The following PDE8B variants were observed in gnomAD, a reference collection of about 807,000 sequenced individuals.
PDE8B encodes the protein phosphodiesterase 8B, also known as high affinity cAMP-specific and IBMX-insensitive 3',5'-cyclic phosphodiesterase 8B.
PDE8B carries 26 observed loss-of-function variants against 101.3 expected under a neutral mutation model. That is an observed-to-expected ratio of 0.26 (90% CI 0.19 to 0.36). PDE8B has a LOEUF of 0.36. Among genes scored for constraint, PDE8B ranks in the 10% least tolerant of loss-of-function variants. The pLI is 1.00. For missense variants in PDE8B, 810 were observed against 1,163.1 expected (o/e 0.70, Z 4.42); for synonymous variants, 424 against 429.3 (o/e 0.99, Z 0.15).
intron 1 of PDE8B, among the ~76,000 whole-genome samples, chr5:77,234,916 T>A (rs1488755001): frequency 6.6e-6 from 1 of 152,204 alleles, no homozygotes; most frequent in Non-Finnish European, 1.5e-5. Flanking sequence ...AATGAGAGCA[T>A]GCACGCAAAG....
At chr5:77,363,590 T>TCAG (rs1271866496) in intron 10 of PDE8B, among the ~76,000 whole-genome samples, 1 of 151,752 alleles carries the variant, frequency 6.6e-6, no homozygotes, top group Non-Finnish European at 1.5e-5. Flanking sequence ...CGGGTGCCTG[T>TCAG]AATCCCAGCT....
At position 77,403,262 on chromosome 5, in the gene PDE8B, T is replaced by C. The variant is rs6453305; in HGVS notation, c.1211-1458T>C. Among the ~76,000 whole-genome samples the C allele has an allele frequency of 7.2e-3, 1,099 of 152,322 alleles. 8 individuals carry two copies. Among genetic ancestry groups the C allele is most frequent in the African/African-American group, 0.025 (1,053 of 41,560 alleles). On this transcript the variant is annotated intron_variant, in intron 11 of 21. Coordinates refer to ENST00000264917, the MANE Select transcript of PDE8B (RefSeq NM_003719.5). ...TGCAAAGATTTAGGCCAAAATTCTT[T>C]AAATGTTTGCCTGCCCCCACCACCC... is the stretch of plus-strand genomic sequence containing the variant.
At chr5:77,286,344 T>C (rs538978832) in intron 1 of PDE8B, among the ~76,000 whole-genome samples, 2 of 152,286 alleles carry the variant, frequency 1.3e-5, no homozygotes, top group East Asian at 3.9e-4. Flanking sequence ...AAAATTTAGG[T>C]TCCCTCCTCA....
At chr5:77,423,601 G>A (rs1157128396) in intron 20 of PDE8B, among the ~76,000 whole-genome samples, 1 of 141,404 alleles carries the variant, frequency 7.1e-6, no homozygotes, top group Admixed American at 7.2e-5. Flanking sequence ...TTGCATGTCT[G>A]ATTAGTGATG....
chr5:77,382,102 C>T (rs568752893), intron 10 of PDE8B, among the ~76,000 whole-genome samples: 1 of 152,262 alleles, frequency 6.6e-6, no homozygotes, highest in Admixed American at 6.5e-5. Flanking sequence ...ACAATTTTCC[C>T]AATACTTTAT....
intron 1 of PDE8B, among the ~76,000 whole-genome samples, chr5:77,242,306 A>G (rs1755926739): frequency 6.6e-6 from 1 of 152,192 alleles, no homozygotes; most frequent in African/African-American, 2.4e-5. Flanking sequence ...GCACAGGAAA[A>G]GAAAGGTGGC....
At chr5:77,118,524 A>G in the PDE8B span, 3 of 396,802 alleles carry the variant, frequency 7.6e-6, no homozygotes, top group South Asian at 1.3e-4. Context: ...CCTGTGAGGT[A>G]TGAAGGAGTA....
At chr5:77,159,055 T>C in the PDE8B span, among the ~76,000 whole-genome samples, 1 of 152,178 alleles carries the variant, frequency 6.6e-6, no homozygotes, top group African/African-American at 2.4e-5. Context: ...TTGTGGGGAC[T>C]CCTGCCCTAC....
chr5:77,293,913 A>G (rs1340689841), intron 1 of PDE8B, among the ~76,000 whole-genome samples: 1 of 151,982 alleles, frequency 6.6e-6, no homozygotes, highest in Non-Finnish European at 1.5e-5. Flanking sequence ...CTTAATGTTG[A>G]GTTTTCAATG....
intron 7 of PDE8B, among the ~76,000 whole-genome samples, chr5:77,345,819 A>G (rs984152722): frequency 3.3e-5 from 5 of 152,180 alleles, no homozygotes; most frequent in Admixed American, 6.5e-5. Flanking sequence ...ACTTATCAGT[A>G]GGGCACCAAA....
chr5:77,204,923 A>G, the PDE8B span, among the ~76,000 whole-genome samples: 19 of 152,068 alleles, frequency 1.2e-4, no homozygotes, highest in African/African-American at 4.6e-4. Flanking sequence ...CTTGTGTTTC[A>G]TTTCTATATC....
At chr5:77,238,604 A>T (rs1399256258) in intron 1 of PDE8B, among the ~76,000 whole-genome samples, 2 of 152,214 alleles carry the variant, frequency 1.3e-5, no homozygotes, top group African/African-American at 2.4e-5. Flanking sequence ...AACCAATAGG[A>T]TACACATAGA....
At chr5:77,244,671 T>A (rs11950697) in intron 1 of PDE8B, among the ~76,000 whole-genome samples, 71,990 of 151,920 alleles carry the variant, frequency 0.47, 18,225 homozygotes, top group East Asian at 0.81. Context: ...ATAAATTTTT[T>A]AAATTCTCAC....
At chr5:77,192,488 G>A in the PDE8B span, among the ~76,000 whole-genome samples, 4 of 152,192 alleles carry the variant, frequency 2.6e-5, no homozygotes, top group African/African-American at 9.7e-5. Flanking sequence ...CATACATGCT[G>A]TTGTGTATAT....
At chr5:77,304,469 C>G (rs1470899687) in intron 1 of PDE8B, among the ~76,000 whole-genome samples, 1 of 152,050 alleles carries the variant, frequency 6.6e-6, no homozygotes, top group African/African-American at 2.4e-5. Context: ...CTCTCCAGCT[C>G]TGGGCCTTTT....
At chr5:77,323,645 A>G (rs187103912) in intron 2 of PDE8B, among the ~76,000 whole-genome samples, 11 of 152,218 alleles carry the variant, frequency 7.2e-5, no homozygotes, top group Non-Finnish European at 1.2e-4. Context: ...TTTTCTATAT[A>G]CTTCCAATTT....
intron 1 of PDE8B, among the ~76,000 whole-genome samples, chr5:77,242,427 G>A (rs1283980666): frequency 6.6e-6 from 1 of 152,240 alleles, no homozygotes; most frequent in East Asian, 1.9e-4. Context: ...TAGTTGTGCA[G>A]AATGTTAGGC....
the PDE8B span, among the ~76,000 whole-genome samples, chr5:77,198,864 C>T: frequency 0.012 from 1,818 of 152,160 alleles, 46 homozygotes; most frequent in African/African-American, 0.041. Flanking sequence ...TCTTCTTCTA[C>T]AACTTAAAAC....
chr5:77,210,249 T>A (rs1333042157), upstream of PDE8B, among the ~76,000 whole-genome samples: 1 of 151,794 alleles, frequency 6.6e-6, no homozygotes, highest in African/African-American at 2.4e-5. This position sits in a 1 kb window ranked among gnomAD's most constrained non-coding sequence, Gnocchi z 4.9. Flanking sequence ...ACGAGGCCTC[T>A]GGACAGCGGA....
Sources: gnomAD v4.1 joint callset for allele counts (sites outside exome capture counted in the v4.1 genomes callset) on GRCh38, gnomAD v4.1.1 for gene constraint, Gnocchi (gnomAD v3.1) non-coding constraint, MANE v1.5 for transcripts, NCBI Gene and HGNC (gene_info 2026-07-23, HGNC 2026-07-21) for gene names.